The following FBH1 variants were observed in gnomAD, a reference collection of about 807,000 sequenced individuals.
FBH1 encodes F-box DNA helicase 1, also known as DNA 3'-5' helicase 1.
A neutral mutation model predicts 115.5 loss-of-function variants in FBH1; 43 were observed. The observed-to-expected ratio is 0.37, with a 90% confidence interval of 0.29 to 0.48. FBH1 has a LOEUF of 0.48. FBH1 is among the 20% of genes least tolerant of loss of function. The pLI, the probability that FBH1 is intolerant of heterozygous loss-of-function variation, is 0.99. For synonymous variants in FBH1, 524 were observed against 507.8 expected (o/e 1.03, Z -0.43); for missense variants, 1,001 against 1,337.3 (o/e 0.75, Z 3.92).
intron 1 of FBH1, chr10:5,894,634 A>G: frequency 6.9e-6 from 5 of 720,414 alleles, no homozygotes; most frequent in Non-Finnish European, 1.3e-5. Flanking sequence ...GGGAGAGTTG[A>G]GAGCTTCAAA....
rs927411505 is a variant in FBH1 at position 5,905,895 on chromosome 10, A to C, written c.158-142A>C. On this transcript the variant is annotated intron_variant, in intron 2 of 20. Transcript: ENST00000362091. ...TATTGTTTGGATTAGTTATTTATATAATCAGTTGGCCCATAAATGTGTTTT... is the reference window on the plus strand; with the variant it reads ...TATTGTTTGGATTAGTTATTTATATCATCAGTTGGCCCATAAATGTGTTTT... 6.6e-6 allele frequency: 4 copies of C among 606,704 alleles called. No homozygotes were observed. In the African/African-American group the frequency reaches 7.4e-5, roughly 11 times the overall value. The allele number at this position is 606,704 out of a possible 1,614,324, so 37.6% of individuals were successfully genotyped here.
At chr10:5,926,098 A>ATTCTTATTCTTATTC (rs1554809910) in intron 18 of FBH1, among the ~76,000 whole-genome samples, 31 of 124,824 alleles carry the variant, frequency 2.5e-4, no homozygotes, top group African/African-American at 7.7e-4. Flanking sequence ...TGTTGTTATT[A>ATTCTTATTCTTATTC]TTATTCTTAT....
rs1271714404 is a variant in FBH1, at chr10:5,900,366, G to A, written c.2-2654G>A. Reference sequence around the variant, plus strand: ...GGGTGGTATGGCCGTAGACCTATCAGACTTAGAGACCTGAGGTGCCCTGAA... The same window carrying A: ...GGGTGGTATGGCCGTAGACCTATCAAACTTAGAGACCTGAGGTGCCCTGAA... On this transcript the variant is annotated intron_variant, in intron 1 of 20. Transcript: ENST00000362091. This position sits in a 1 kb window ranked among gnomAD's most constrained non-coding sequence, Gnocchi z 4.2. Among the ~76,000 whole-genome samples, 6 of 152,248 alleles carry A rather than the reference G, an allele frequency of 3.9e-5. No homozygotes were observed. The highest frequency in any genetic ancestry group is 8.8e-5 in the Non-Finnish European group (6 of 68,042).
intron 19 of FBH1, among the ~76,000 whole-genome samples, chr10:5,930,169 A>G (rs1325635862): frequency 2.0e-5 from 3 of 152,202 alleles, no homozygotes; most frequent in Non-Finnish European, 4.4e-5. Context: ...TTTTCCCCAT[A>G]ACTACCATGC....
In FBH1 at chr10:5,921,222, G is replaced by T. The variant is rs760565144; in HGVS notation, c.2101-36G>T. ...TGGAAATGCACGGACACACCACAGG[G>T]CGGGCTGCTGACTCCCTCTGTCTTG... On this transcript the variant is annotated intron_variant, in intron 13 of 20. Coordinates refer to ENST00000362091, the MANE Select transcript of FBH1 (RefSeq NM_178150.3). This position sits in a 1 kb window ranked among gnomAD's most constrained non-coding sequence, Gnocchi z 6.4. 12 of 1,597,522 alleles carry T rather than the reference G, an allele frequency of 7.5e-6. No individual in the cohort carries two copies. In the Admixed American group the frequency reaches 1.7e-4, roughly 22 times the overall value.
At position 5,911,537 on chromosome 10, in the gene FBH1, A is replaced by G. The variant is rs1831591146; in HGVS notation, c.1211+409A>G. 6.6e-6 allele frequency among the ~76,000 whole-genome samples: 1 copy of G among 152,148 alleles called. No individual in the cohort carries two copies. Among genetic ancestry groups the G allele is most frequent in the Non-Finnish European group, 1.5e-5 (1 of 68,002 alleles). ...CCTTATCCTCCATGCGGGAGAGGCT[A>G]TGGCGTGTCGGCTGCTGATTCACAG... is the stretch of plus-strand genomic sequence containing the variant. On this transcript the variant is annotated intron_variant, in intron 6 of 20. Transcript: ENST00000362091. This position sits in a 1 kb window ranked among gnomAD's most constrained non-coding sequence, Gnocchi z 5.4.
At chr10:5,892,880 A>G (rs117622776) in intron 1 of FBH1, among the ~76,000 whole-genome samples, 6,866 of 152,292 alleles carry the variant, frequency 0.045, 207 homozygotes, top group South Asian at 0.069. Context: ...GCCTTTGCCA[A>G]TTCTCACATA....
At chr10:5,930,896 T>G (rs1832931166) in intron 19 of FBH1, among the ~76,000 whole-genome samples, 1 of 152,062 alleles carries the variant, frequency 6.6e-6, no homozygotes, top group African/African-American at 2.4e-5. Context: ...GGAACACGCA[T>G]GCACCATCAC....
In FBH1 at chr10:5,917,987, C is replaced by T. The variant is rs1564452584; in HGVS notation, c.1963+311C>T. Among the ~76,000 whole-genome samples the T allele has an allele frequency of 6.6e-6, 1 of 152,212 alleles. No homozygotes were observed. Among genetic ancestry groups the T allele is most frequent in the Non-Finnish European group, 1.5e-5 (1 of 68,044 alleles). On this transcript the variant is annotated intron_variant, in intron 12 of 20. Coordinates refer to ENST00000362091, the MANE Select transcript of FBH1 (RefSeq NM_178150.3). This position sits in a 1 kb window ranked among gnomAD's most constrained non-coding sequence, Gnocchi z 5.6. ...AGGGAAAAGCTTGTGTTGTCTACTT[C>T]TCAAGTGGCTAGGAGAGAACAGACA... is the stretch of plus-strand genomic sequence containing the variant.
rs947334443 is a variant in FBH1, at chr10:5,921,027, A to C, written c.2101-231A>C. Among the ~76,000 whole-genome samples the C allele has an allele frequency of 5.3e-5, 8 of 152,232 alleles. No homozygotes were observed. The highest frequency in any genetic ancestry group is 2.1e-4 in the South Asian group (1 of 4,828). On this transcript the variant is annotated intron_variant, in intron 13 of 20. Transcript: ENST00000362091. The surrounding 1 kb of genome is among the most constrained non-coding windows in gnomAD (Gnocchi z 6.4). ...CTTCACTAGATTTGATTTGGAGAAA[A>C]GGGTAGATTTGCTTAAAAGAAAAAT...
chr10:5,892,954 C>G (rs1842817511), intron 1 of FBH1, among the ~76,000 whole-genome samples: 1 of 152,214 alleles, frequency 6.6e-6, no homozygotes, highest in South Asian at 2.1e-4. Context: ...ACCTTCTATC[C>G]TCTCTCCCGA....
chr10:5,932,252 G>A lies in FBH1; in HGVS notation c.2830-4204G>A, dbSNP rs1404253015. On this transcript the variant is annotated intron_variant, in intron 19 of 20. Coordinates refer to ENST00000362091, the MANE Select transcript of FBH1 (RefSeq NM_178150.3). This position sits in a 1 kb window ranked among gnomAD's most constrained non-coding sequence, Gnocchi z 5.9. ...TTGGTAGTTATTTTAAACAATTAGC[G>A]ATTAATCCTTCAGTATTTCTTTATG... 2.0e-5 allele frequency among the ~76,000 whole-genome samples: 3 copies of A among 152,188 alleles called. No individual in the cohort carries two copies. The highest frequency in any genetic ancestry group is 4.4e-5 in the Non-Finnish European group (3 of 68,036).
In FBH1 at chr10:5,917,640, G is replaced by A. The variant is rs150404126; in HGVS notation, c.1927G>A (p.Ala643Thr). The part of the protein sequence containing the change: ...LSKPSLASFD[A>T]IFVDEAQDCT... ...CAAGCCTTCGCTGGCCTCTTTTGAC[G>A]CCATCTTTGTGGATGAGGCCCAGGA... Residue 643 changes from alanine to threonine, a missense_variant, in exon 12 of 21, where the codon GCC becomes ACC. By Grantham distance (58) the Ala-to-Thr change is moderately conservative. This residue lies in a region of FBH1 where 521 missense variants were observed against 811.0 expected (regional missense o/e 0.64). Coordinates refer to ENST00000362091, the MANE Select transcript of FBH1 (RefSeq NM_178150.3). This position sits in a 1 kb window ranked among gnomAD's most constrained non-coding sequence, Gnocchi z 5.6. 28 of 1,613,980 alleles carry A rather than the reference G, an allele frequency of 1.7e-5. No homozygotes were observed. Among genetic ancestry groups the A allele is most frequent in the African/African-American group, 9.3e-5 (7 of 75,024 alleles).
At chr10:5,907,605 C>G (rs187020066) in intron 3 of FBH1, among the ~76,000 whole-genome samples, 1 of 151,134 alleles carries the variant, frequency 6.6e-6, no homozygotes, top group South Asian at 2.1e-4. Flanking sequence ...TCCCAAGTAG[C>G]TGGGATTACA....
rs560052563 is a variant in FBH1, at chr10:5,894,224, G to A, written c.1+3878G>A. On this transcript the variant is annotated intron_variant, in intron 1 of 20. Transcript: ENST00000362091. Reference sequence around the variant, plus strand: ...CATTCGTTTCTTTTAGAGCTAATGGGGACACAATATTTTGAAGTTTTTCCA... The same window carrying A: ...CATTCGTTTCTTTTAGAGCTAATGGAGACACAATATTTTGAAGTTTTTCCA... 2.2e-5 allele frequency: 22 copies of A among 985,316 alleles called. No individual in the cohort carries two copies. In the African/African-American group the frequency reaches 3.8e-4, roughly 17 times the overall value. 61.0% of individuals were successfully genotyped at this position (985,316 alleles called of 1,614,324 possible).
At position 5,923,479 on chromosome 10, in the gene FBH1, C is replaced by G; in HGVS notation, c.2323-142C>G. On this transcript the variant is annotated intron_variant, in intron 15 of 20. Coordinates refer to ENST00000362091, the MANE Select transcript of FBH1 (RefSeq NM_178150.3). The surrounding 1 kb of genome is among the most constrained non-coding windows in gnomAD (Gnocchi z 5.7). ...CTTGCCGCCTGTGCTTTGGGTGTCA[C>G]TCAAGATCCATTTCCAAGAAACCAT... 1 of 660,288 alleles carries G rather than the reference C, an allele frequency of 1.5e-6. No individual in the cohort carries two copies. The highest frequency in any genetic ancestry group is 2.5e-6 in the Non-Finnish European group (1 of 393,580). The allele number at this position is 660,288 out of a possible 1,614,324, so 40.9% of individuals were successfully genotyped here. A position where few individuals can be genotyped will look rare whatever the true frequency, so the allele number is the denominator to read the frequency against.
In FBH1 at chr10:5,926,047, A is replaced by G. The variant is rs997570454; in HGVS notation, c.2722+555A>G. 2.6e-5 allele frequency among the ~76,000 whole-genome samples: 4 copies of G among 152,296 alleles called. No homozygotes were observed. In the East Asian group the frequency reaches 7.7e-4, roughly 29 times the overall value. The stretch of plus-strand genomic sequence containing the variant: ...CAGCTTCCCAAAGTGTTGGGATTGC[A>G]GGCGTCAGCCACCACAGACATTTGT... On this transcript the variant is annotated intron_variant, in intron 18 of 20. Coordinates refer to ENST00000362091, the MANE Select transcript of FBH1 (RefSeq NM_178150.3).
Position 5,903,063 on chromosome 10 carries a change from G to C in FBH1, c.45G>C (p.Gln15His). Residue 15 changes from glutamine (Q) to histidine (H), a missense_variant, in exon 2 of 21, where the codon CAG becomes CAC. Gln to His is a conservative substitution (Grantham distance 24, BLOSUM62 0). Around this residue, in one of 4 missense-constraint regions of FBH1, gnomAD observed 420 missense variants for 430.4 expected, o/e 0.98. Coordinates refer to ENST00000362091, the MANE Select transcript of FBH1 (RefSeq NM_178150.3). ...AGCATCTTACTGCCATTGACTGCCA[G>C]CATTTGGCTCGGAGTCACTTGGCTG... Reference protein sequence around the residue: ...KRKHLTAIDCQHLARSHLAVT... With the variant: ...KRKHLTAIDCHHLARSHLAVT... 6.2e-7 allele frequency: 1 copy of C among 1,613,454 alleles called. No homozygotes were observed. Among genetic ancestry groups the C allele is most frequent in the Non-Finnish European group, 8.5e-7 (1 of 1,179,728 alleles).
Position 5,924,189 on chromosome 10 carries a change from A to G in FBH1, c.2399-122A>G. On this transcript the variant is annotated intron_variant, in intron 16 of 20. Coordinates refer to ENST00000362091, the MANE Select transcript of FBH1 (RefSeq NM_178150.3). The surrounding 1 kb of genome is among the most constrained non-coding windows in gnomAD (Gnocchi z 6.2). ...GAGTTAGTGATGCAGTCAGGCCTGG[A>G]ACCCGGGTCTCCCCACTTTAAGACC... The G allele has an allele frequency of 1.1e-6, 1 of 889,692 alleles. No homozygotes were observed. Among genetic ancestry groups the G allele is most frequent in the Non-Finnish European group, 1.7e-6 (1 of 572,852 alleles). The allele number at this position is 889,692 out of a possible 1,614,324, so 55.1% of individuals were successfully genotyped here. A position where few individuals can be genotyped will look rare whatever the true frequency, so the allele number is the denominator to read the frequency against.
Sources: gnomAD v4.1 joint callset for allele counts (sites outside exome capture counted in the v4.1 genomes callset) on GRCh38, gnomAD v4.1.1 for gene constraint, gnomAD v4.1.1 regional missense constraint, Gnocchi (gnomAD v3.1) non-coding constraint, MANE v1.5 for transcripts, NCBI Gene and HGNC (gene_info 2026-07-23, HGNC 2026-07-21) for gene names.